Variants in TAB2 observed in about 807,000 individuals in gnomAD.
The protein encoded by TAB2 is TGF-beta-activated kinase 1 and MAP3K7-binding protein 2.
TAB2 carries 3 observed loss-of-function variants against 65.0 expected under a neutral mutation model. The ratio of observed to expected loss-of-function variants is 0.05; its 90% confidence interval spans 0.02 to 0.12. The LOEUF (loss-of-function observed/expected upper bound fraction) is 0.12. Among genes scored for constraint, TAB2 ranks in the 10% least tolerant of loss-of-function variants. The probability of loss-of-function intolerance (pLI) is 1.00; values close to 1 mark genes in which losing one functional copy is unlikely to be tolerated. For missense variants in TAB2, 623 were observed against 840.3 expected, an observed-to-expected ratio of 0.74 and a Z score of 3.20; for synonymous variants, 298 against 285.1, an observed-to-expected ratio of 1.05 and a Z score of -0.46.
At chr6:149,339,612 T>A (rs1282724378) in intron 1 of TAB2, among the ~76,000 whole-genome samples, 30 of 137,786 alleles carry the variant, frequency 2.2e-4, no homozygotes, top group Non-Finnish European at 3.6e-4. Context: ...TTTATTTTTT[T>A]TTTTTTTTGA....
chr6:149,312,703 A>G (rs936899124), intron 1 of TAB2, among the ~76,000 whole-genome samples: 3 of 152,278 alleles, frequency 2.0e-5, no homozygotes, highest in Middle Eastern at 3.4e-3. Context: ...TGCTTTTCAC[A>G]TATTTGAGAG....
intron 4 of TAB2, 55 bp from the exon 5 acceptor site, chr6:149,397,914 T>G (rs1782230051): frequency 6.3e-7 from 1 of 1,584,534 alleles, no homozygotes; most frequent in Non-Finnish European, 8.6e-7. Flanking sequence ...CATTCTTTAT[T>G]AACTAATGAC....
At chr6:149,293,142 T>C (rs939330393) in intron 1 of TAB2, among the ~76,000 whole-genome samples, 4 of 152,194 alleles carry the variant, frequency 2.6e-5, no homozygotes, top group African/African-American at 9.7e-5. Context: ...ATAATGGCAA[T>C]ACATTAGAAA....
At chr6:149,339,625 C>T (rs1224142933) in intron 1 of TAB2, among the ~76,000 whole-genome samples, 5 of 129,006 alleles carry the variant, frequency 3.9e-5, no homozygotes, top group Non-Finnish European at 7.9e-5. Flanking sequence ...TTTTTTGAGA[C>T]GGAGTCTCTG....
chr6:149,342,055 A>G lies in TAB2; in HGVS notation c.-90+24040A>G, dbSNP rs1222634552. 2.0e-5 allele frequency among the ~76,000 whole-genome samples: 3 copies of G among 152,298 alleles called. No homozygotes were observed. The East Asian group carries it at 5.8e-4, about 29-fold the overall frequency. On this transcript the variant is annotated intron_variant, in intron 1 of 6. Coordinates refer to ENST00000637181, the MANE Select transcript of TAB2 (RefSeq NM_001292034.3). Reference sequence around the variant, plus strand: ...TGGCCCTAACAAAAATTAAAAAAAAAAAAATCATTGAATCTATTTTGGTAA... The same window carrying G: ...TGGCCCTAACAAAAATTAAAAAAAAGAAAATCATTGAATCTATTTTGGTAA...
At chr6:149,242,720 G>A (rs1777626546) in intron 1 of TAB2, among the ~76,000 whole-genome samples, 1 of 152,174 alleles carries the variant, frequency 6.6e-6, no homozygotes, top group Non-Finnish European at 1.5e-5. Context: ...GTTCGGGATT[G>A]TTTTGCCATG....
rs577389683 is a variant in TAB2 at position 149,295,580 on chromosome 6, T to A, written c.-121+76804T>A. Among the ~76,000 whole-genome samples, 4 of 152,374 alleles carry A rather than the reference T, an allele frequency of 2.6e-5. No homozygotes were observed. In the South Asian group the frequency reaches 8.3e-4, roughly 32 times the overall value. ...TTCATATTGTTTCTATATGTTGTTT[T>A]CAGGATAATTTCTTCTGATATACTT... is the stretch of plus-strand genomic sequence containing the variant. On this transcript the variant is annotated intron_variant, in intron 1 of 1. Coordinates refer to the TAB2 transcript ENST00000606202.
intron 1 of TAB2, among the ~76,000 whole-genome samples, chr6:149,291,143 C>T (rs993773120): frequency 2.0e-5 from 3 of 152,170 alleles, no homozygotes; most frequent in Non-Finnish European, 4.4e-5. Context: ...TTAGGCAGAA[C>T]ACCACATAGT....
At chr6:149,281,645 A>G (rs1239979093) in intron 1 of TAB2, among the ~76,000 whole-genome samples, 1 of 151,944 alleles carries the variant, frequency 6.6e-6, no homozygotes, top group African/African-American at 2.4e-5. Context: ...ACATGGCACA[A>G]ATAGAAAACA....
chr6:149,276,025 T>C (rs117407360), intron 1 of TAB2, among the ~76,000 whole-genome samples: 186 of 152,330 alleles, frequency 1.2e-3, no homozygotes, highest in South Asian at 3.3e-3. Context: ...GTATGGACTT[T>C]AGTTAATAAT....
At position 149,399,158 on chromosome 6, in the gene TAB2, T is replaced by C; in HGVS notation, c.1913T>C (p.Val638Ala). 1 of 1,613,640 alleles carries C rather than the reference T, an allele frequency of 6.2e-7. No individual in the cohort carries two copies. The highest frequency in any genetic ancestry group is 8.5e-7 in the Non-Finnish European group (1 of 1,179,686). Residue 638 changes from valine to alanine, a missense_variant, in exon 6 of 7, where the codon GTA becomes GCA. By Grantham distance (64) the Val-to-Ala change is moderately conservative. This residue lies in a region of TAB2 where 56 missense variants were observed against 130.3 expected (regional missense o/e 0.43). Coordinates refer to ENST00000637181, the MANE Select transcript of TAB2 (RefSeq NM_001292034.3). ...AACTTTTATGACAATATTGGATTTG[T>C]AGGTCCTGTGCCACCAAAACCCAAA... ...IHNFYDNIGF[V>A]GPVPPKPKDQ...
chr6:149,341,025 T>C (rs1228552522), intron 1 of TAB2, among the ~76,000 whole-genome samples: 1 of 152,116 alleles, frequency 6.6e-6, no homozygotes, highest in Admixed American at 6.5e-5. Flanking sequence ...AAGGCTTTTC[T>C]TTGCCCTTAA....
Position 149,378,480 on chromosome 6 carries a change from C to T in TAB2, c.565C>T (p.Arg189Cys), listed in dbSNP as rs754720551. Residue 189 changes from arginine to cysteine, a missense_variant, in exon 3 of 7, where the codon CGT (arginine) becomes TGT (cysteine). By Grantham distance (180) the Arg-to-Cys change is radical. This residue lies in a region of TAB2 where 550 missense variants were observed against 665.7 expected (regional missense o/e 0.83). Transcript: ENST00000637181. ...TTTAGCCCCAAATATCCAGACTGGT[C>T]GTAATACTCCTACATCTTTGCACAT... Reference protein sequence around the residue: ...VTLAPNIQTGRNTPTSLHIHG... With the variant: ...VTLAPNIQTGCNTPTSLHIHG... 2.8e-5 allele frequency: 45 copies of T among 1,614,024 alleles called. No individual in the cohort carries two copies. The Admixed American group carries it at 3.7e-4, about 13-fold the overall frequency.
chr6:149,224,896 A>G (rs1056734149), intron 1 of TAB2, among the ~76,000 whole-genome samples: 1 of 152,210 alleles, frequency 6.6e-6, no homozygotes, highest in Non-Finnish European at 1.5e-5. Flanking sequence ...AGAAAGTGCC[A>G]GTGTAATTGA....
intron 1 of TAB2, among the ~76,000 whole-genome samples, chr6:149,299,272 G>A (rs112205202): frequency 0.025 from 3,789 of 152,226 alleles, 171 homozygotes; most frequent in African/African-American, 0.087. Context: ...ATCAGCAGCC[G>A]TTATAATTCA....
intron 1 of TAB2, among the ~76,000 whole-genome samples, chr6:149,287,972 A>T (rs564161020): frequency 1.5e-4 from 23 of 152,230 alleles, no homozygotes; most frequent in Non-Finnish European, 2.8e-4. Context: ...TTTAAATTCG[A>T]TCATAAAATT....
intron 1 of TAB2, among the ~76,000 whole-genome samples, chr6:149,340,381 A>G (rs1485031672): frequency 6.6e-6 from 1 of 152,196 alleles, no homozygotes; most frequent in Non-Finnish European, 1.5e-5. Flanking sequence ...TACAATAAAG[A>G]AGGAACCTTG....
intron 1 of TAB2, among the ~76,000 whole-genome samples, chr6:149,305,151 G>A (rs1388832406): frequency 3.9e-5 from 6 of 152,238 alleles, no homozygotes; most frequent in Admixed American, 2.0e-4. Context: ...ACAGAGAGCC[G>A]ACTGTACTGC....
upstream of TAB2, among the ~76,000 whole-genome samples, chr6:149,313,877 T>C (rs181920654): frequency 3.3e-5 from 5 of 152,290 alleles, no homozygotes; most frequent in East Asian, 9.7e-4. Context: ...GGAAACATTT[T>C]CCCTCTCTTA....
Sources: allele counts gnomAD v4.1 joint callset (sites outside exome capture counted in the v4.1 genomes callset), GRCh38; gene constraint gnomAD v4.1.1; regional missense constraint gnomAD v4.1.1; transcripts MANE v1.5; gene names NCBI Gene and HGNC (gene_info 2026-07-23, HGNC 2026-07-21).